The following STX8 variants were observed in gnomAD, a reference collection of about 807,000 sequenced individuals.
The protein encoded by STX8 is syntaxin 8, also known as syntaxin-8.
STX8 carries 23 observed loss-of-function variants against 37.5 expected under a neutral mutation model. The ratio of observed to expected loss-of-function variants is 0.61; its 90% CI spans 0.44 to 0.87. The LOEUF (loss-of-function observed/expected upper bound fraction) is 0.87, where lower values mean the gene tolerates loss of function less well. Among genes scored for constraint, STX8 ranks in the 40% least tolerant of loss-of-function variants. The pLI is 0.00. For synonymous variants in STX8, 115 were observed against 99.1 expected (o/e 1.16, Z -0.95); for missense variants, 313 against 284.7 (o/e 1.10, Z -0.71).
At chr17:9,360,138 T>A (rs1447740654) in intron 7 of STX8, among the ~76,000 whole-genome samples, 1 of 151,840 alleles carries the variant, frequency 6.6e-6, no homozygotes, top group African/African-American at 2.4e-5. Context: ...CATAATTTAA[T>A]GGAAAGGGGG....
chr17:9,342,792 G>A (rs1453667168), intron 7 of STX8, among the ~76,000 whole-genome samples: 1 of 152,304 alleles, frequency 6.6e-6, no homozygotes, highest in South Asian at 2.1e-4. Context: ...GGACACTGAG[G>A]TGGGCAGAGC....
chr17:9,259,106 A>G (rs564316105), intron 7 of STX8, among the ~76,000 whole-genome samples: 25 of 152,208 alleles, frequency 1.6e-4, no homozygotes, highest in Non-Finnish European at 2.9e-4. Context: ...TTTACAGTCA[A>G]GAAGACCTGA....
chr17:9,495,434 T>C (rs1904348881), intron 5 of STX8, among the ~76,000 whole-genome samples: 1 of 152,134 alleles, frequency 6.6e-6, no homozygotes, highest in South Asian at 2.1e-4. Flanking sequence ...GATTAAAAGA[T>C]AAAACCATTT....
chr17:9,423,953 T>A (rs1182023151), intron 6 of STX8, among the ~76,000 whole-genome samples: 1 of 152,190 alleles, frequency 6.6e-6, no homozygotes, highest in Non-Finnish European at 1.5e-5. Flanking sequence ...CAGAGTTCAG[T>A]ATGGCAGTGA....
intron 3 of STX8, chr17:9,552,981 G>A (rs1223298419): frequency 6.6e-6 from 1 of 152,054 alleles, no homozygotes; most frequent in African/African-American, 2.4e-5. Flanking sequence ...CTTCTCCCAA[G>A]ACACCAAAGT....
chr17:9,294,881 C>T (rs8074967), intron 7 of STX8, among the ~76,000 whole-genome samples: 46,159 of 152,052 alleles, frequency 0.3, 7,845 homozygotes, highest in African/African-American at 0.45. Context: ...GGGCTCTTTC[C>T]TTCTCTGAAC....
chr17:9,302,753 A>G (rs1234901393), intron 7 of STX8, among the ~76,000 whole-genome samples: 1 of 152,148 alleles, frequency 6.6e-6, no homozygotes, highest in Non-Finnish European at 1.5e-5. Context: ...CTCCATGAAA[A>G]GGCAAAACCA....
At chr17:9,459,910 T>C (rs1240960983) in intron 6 of STX8, among the ~76,000 whole-genome samples, 1 of 152,222 alleles carries the variant, frequency 6.6e-6, no homozygotes, top group East Asian at 1.9e-4. Context: ...TTTTGGCATC[T>C]AGAAGGATGC....
rs555691105 is a variant in STX8, at chr17:9,296,225, A to C, written c.644-45580T>G. ...GCCAGGCATGGTGGTGCATGCCTGT[A>C]ATCCCAGCTACTCGGGAGGCTGAGG... On this transcript the variant is annotated intron_variant, in intron 7 of 7. Coordinates refer to ENST00000306357, the MANE Select transcript of STX8 (RefSeq NM_004853.3). Among the ~76,000 whole-genome samples, 2 of 152,146 alleles carry C rather than the reference A, an allele frequency of 1.3e-5. 1 individual carries two copies. Among genetic ancestry groups the C allele is most frequent in the South Asian group, 4.2e-4 (2 of 4,808 alleles).
At chr17:9,367,454 C>T (rs895778119) in intron 7 of STX8, among the ~76,000 whole-genome samples, 1 of 152,124 alleles carries the variant, frequency 6.6e-6, no homozygotes, top group Non-Finnish European at 1.5e-5. Flanking sequence ...CCTCAAATAA[C>T]CCTCCAGTCA....
At chr17:9,369,886 CAAAA>C (rs60178482) in intron 7 of STX8, among the ~76,000 whole-genome samples, 28 of 52,150 alleles carry the variant, frequency 5.4e-4, no homozygotes, top group East Asian at 1.5e-3. Flanking sequence ...GACCCTGTAC[CAAAA>C]AAAAAAAAAA....
chr17:9,402,098 GTTTATTTATTTA>G (rs59077711), intron 6 of STX8, among the ~76,000 whole-genome samples: 5 of 150,494 alleles, frequency 3.3e-5, no homozygotes, highest in African/African-American at 7.3e-5. Context: ...CTTGTATTTT[GTTTATTTATTTA>G]TTTATTTATT....
chr17:9,300,830 CTTTTTTTTT>C (rs1164799565), intron 7 of STX8, among the ~76,000 whole-genome samples: 1 of 90,908 alleles, frequency 1.1e-5, no homozygotes, highest in Non-Finnish European at 2.1e-5. Flanking sequence ...TTATTTTGTT[CTTTTTTTTT>C]TTTTTTTTTT....
At chr17:9,278,161 T>G (rs938688860) in intron 7 of STX8, among the ~76,000 whole-genome samples, 9 of 152,072 alleles carry the variant, frequency 5.9e-5, no homozygotes, top group African/African-American at 1.9e-4. Context: ...TGAAACATAC[T>G]TTAGGGCCGG....
intron 6 of STX8, among the ~76,000 whole-genome samples, chr17:9,426,295 G>A (rs1341949049): frequency 6.6e-6 from 1 of 152,146 alleles, no homozygotes; most frequent in Non-Finnish European, 1.5e-5. Context: ...GGGAGGCCAA[G>A]GTGGGTGGAT....
At chr17:9,371,467 A>C (rs1181788528) in intron 7 of STX8, among the ~76,000 whole-genome samples, 1 of 152,178 alleles carries the variant, frequency 6.6e-6, no homozygotes, top group Non-Finnish European at 1.5e-5. Flanking sequence ...TAAAACAGCC[A>C]ATGTGGCTTT....
At chr17:9,392,670 T>C (rs11868652) in intron 6 of STX8, among the ~76,000 whole-genome samples, 4,146 of 152,210 alleles carry the variant, frequency 0.027, 206 homozygotes, top group African/African-American at 0.092. Flanking sequence ...TCTTGAAATA[T>C]AGTCTCAGCA....
intron 7 of STX8, among the ~76,000 whole-genome samples, chr17:9,291,566 C>T (rs1908313528): frequency 6.6e-6 from 1 of 151,722 alleles, no homozygotes; most frequent in South Asian, 2.1e-4. Flanking sequence ...AAATTTAATG[C>T]TCAAATATGG....
intron 7 of STX8, among the ~76,000 whole-genome samples, chr17:9,299,409 G>A (rs552225604): frequency 2.6e-4 from 40 of 151,736 alleles, no homozygotes; most frequent in African/African-American, 9.7e-4. Context: ...GGAAAAGAGG[G>A]GATTGCCTGC....
Sources: allele counts gnomAD v4.1 joint callset (sites outside exome capture counted in the v4.1 genomes callset), GRCh38; gene constraint gnomAD v4.1.1; transcripts MANE v1.5; gene names NCBI Gene and HGNC (gene_info 2026-07-23, HGNC 2026-07-21).